TBL1X: variants seen among roughly 807,000 people sequenced by gnomAD.
TBL1X encodes F-box-like/WD repeat-containing protein TBL1X.
TBL1X carries 10 observed loss-of-function variants against 50.7 expected under a neutral mutation model. The observed-to-expected ratio is 0.20, with a 90% CI of 0.12 to 0.33. The LOEUF (loss-of-function observed/expected upper bound fraction) is 0.33. TBL1X is among the 10% of genes least tolerant of loss of function. The probability of loss-of-function intolerance (pLI) is 1.00; values close to 1 mark genes in which losing one functional copy is unlikely to be tolerated. For synonymous variants in TBL1X, 190 were observed against 214.7 expected, an observed-to-expected ratio of 0.88 and a Z score of 1.01; for missense variants, 340 against 504.4, an observed-to-expected ratio of 0.67 and a Z score of 3.12.
intron 2 of TBL1X, among the ~76,000 whole-genome samples, chrX:9,570,462 A>C (rs973276779): frequency 9.0e-6 from 1 of 111,281 alleles, no homozygotes; most frequent in Non-Finnish European, 1.9e-5. Flanking sequence ...GTGGACATTC[A>C]TTAGAATATT....
chrX:9,694,552 G>A (rs2083119259), intron 11 of TBL1X, among the ~76,000 whole-genome samples: 1 of 111,519 alleles, frequency 9.0e-6, no homozygotes, highest in South Asian at 3.7e-4. Flanking sequence ...AGCCGAGATT[G>A]CGCCTCTGCA....
chrX:9,636,864 G>A (rs1024751859), intron 2 of TBL1X: 1 of 112,238 alleles, frequency 8.9e-6, no homozygotes, highest in African/African-American at 3.2e-5. Flanking sequence ...TAGTTGAATG[G>A]GAACAAACCA....
intron 2 of TBL1X, among the ~76,000 whole-genome samples, chrX:9,638,543 A>AT (rs1397081791): frequency 3.6e-5 from 4 of 112,302 alleles, no homozygotes; most frequent in African/African-American, 6.5e-5. Flanking sequence ...TGATAAGTTA[A>AT]TTATACTTAT....
At chrX:9,463,973 G>C (rs2081752910), upstream of TBL1X, among the ~76,000 whole-genome samples, 1 of 112,160 alleles carries the variant, frequency 8.9e-6, no homozygotes, top group South Asian at 3.7e-4. Context: ...AAATGGTCTA[G>C]AGTTCGAGGA....
intron 13 of TBL1X, among the ~76,000 whole-genome samples, chrX:9,706,665 A>G (rs1229579605): frequency 9.0e-6 from 1 of 111,589 alleles, no homozygotes; most frequent in East Asian, 2.8e-4. Context: ...GTCTTTCACC[A>G]AATCTCCCTC....
intron 2 of TBL1X, among the ~76,000 whole-genome samples, chrX:9,545,155 C>T (rs1417361677): frequency 9.2e-6 from 1 of 109,097 alleles, no homozygotes; most frequent in African/African-American, 3.3e-5. Context: ...TACAGGTACC[C>T]GCCACCACGC....
chrX:9,552,914 G>A (rs1450638250), intron 2 of TBL1X, among the ~76,000 whole-genome samples: 1 of 111,804 alleles, frequency 8.9e-6, no homozygotes, highest in African/African-American at 3.3e-5. Context: ...AGGCTGAGGT[G>A]GAAGGGTTAT....
chrX:9,651,351 AT>A (rs1483366410), intron 3 of TBL1X, among the ~76,000 whole-genome samples: 1 of 111,889 alleles, frequency 8.9e-6, no homozygotes, highest in East Asian at 2.8e-4. Context: ...GGCCCAAGCC[AT>A]TTTTTCAGTC....
intron 2 of TBL1X, among the ~76,000 whole-genome samples, chrX:9,620,397 C>G (rs2082660604): frequency 8.9e-6 from 1 of 112,478 alleles, no homozygotes; most frequent in Non-Finnish European, 1.9e-5. Context: ...CTGCAGAGGC[C>G]CCTGCCCTGA....
chrX:9,633,447 T>C (rs1009000275), intron 2 of TBL1X, among the ~76,000 whole-genome samples: 1 of 111,624 alleles, frequency 9.0e-6, no homozygotes, highest in African/African-American at 3.3e-5. Context: ...AATGAATGCA[T>C]TGTGACTTTC....
At chrX:9,585,340 TC>T (rs397840236) in intron 2 of TBL1X, among the ~76,000 whole-genome samples, 2,418 of 58,070 alleles carry the variant, frequency 0.042, 40 homozygotes, top group African/African-American at 0.078. Context: ...CCCCCTCCCC[TC>T]CCCCCCCCGC....
At chrX:9,553,983 C>T (rs772489267) in intron 2 of TBL1X, among the ~76,000 whole-genome samples, 26 of 111,640 alleles carry the variant, frequency 2.3e-4, no homozygotes, top group African/African-American at 5.9e-4. Context: ...CAAGCTCAGG[C>T]GATCCTCCCA....
chrX:9,529,574 T>G (rs1307672137), intron 2 of TBL1X, among the ~76,000 whole-genome samples: 1 of 110,913 alleles, frequency 9.0e-6, no homozygotes, highest in Admixed American at 9.6e-5. Context: ...TGCGCCTTGT[T>G]TCTGATGTTG....
intron 2 of TBL1X, among the ~76,000 whole-genome samples, chrX:9,552,180 G>A (rs1481084135): frequency 9.0e-6 from 1 of 111,406 alleles, no homozygotes; most frequent in Non-Finnish European, 1.9e-5. Flanking sequence ...GTTTTGGGAT[G>A]ATGAGGTTGG....
chrX:9,693,014 C>A, intron 9 of TBL1X, 135 bp from the exon 10 acceptor site: 1 of 618,756 alleles, frequency 1.6e-6, no homozygotes, highest in Non-Finnish European at 2.6e-6. Flanking sequence ...ATGGTATTTT[C>A]AATTCTGTCA....
At chrX:9,673,049 T>C (rs1258131256) in intron 5 of TBL1X, among the ~76,000 whole-genome samples, 1 of 111,755 alleles carries the variant, frequency 8.9e-6, no homozygotes, top group Non-Finnish European at 1.9e-5. Context: ...CTGGGGTCTC[T>C]TGTATAAGGA....
At chrX:9,593,721 C>CT (rs1475804391) in intron 2 of TBL1X, among the ~76,000 whole-genome samples, 5 of 111,363 alleles carry the variant, frequency 4.5e-5, no homozygotes. Flanking sequence ...CACACCCATC[C>CT]TTCCGCCCCA....
At chrX:9,704,282 C>T (rs1273944982) in intron 12 of TBL1X, among the ~76,000 whole-genome samples, 2 of 112,110 alleles carry the variant, frequency 1.8e-5, no homozygotes, top group Admixed American at 9.4e-5. Context: ...ATTGAGGTAT[C>T]TTGAACATAG....
intron 2 of TBL1X, among the ~76,000 whole-genome samples, chrX:9,576,707 A>C (rs2082414088): frequency 9.3e-6 from 1 of 108,079 alleles, no homozygotes; most frequent in East Asian, 2.9e-4. Flanking sequence ...AAAAAAAAAA[A>C]AAAAAAAAAC....
Sources: allele counts gnomAD v4.1 joint callset (sites outside exome capture counted in the v4.1 genomes callset), GRCh38; gene constraint gnomAD v4.1.1; transcripts MANE v1.5; gene names NCBI Gene and HGNC (gene_info 2026-07-23, HGNC 2026-07-21).